Variants in ABHD12B observed in about 807,000 individuals in gnomAD.
ABHD12B encodes protein ABHD12B.
A neutral mutation model predicts 50.4 loss-of-function variants in ABHD12B; 42 were observed. The observed-to-expected ratio is 0.83, with a 90% CI of 0.65 to 1.08. The LOEUF (loss-of-function observed/expected upper bound fraction) is 1.08, where lower values mean the gene tolerates loss of function less well. ABHD12B is among the 50% of genes least tolerant of loss of function. The pLI is 0.00. For synonymous variants in ABHD12B, 167 were observed against 160.3 expected, an observed-to-expected ratio of 1.04 and a Z score of -0.32; for missense variants, 479 against 447.7, an observed-to-expected ratio of 1.07 and a Z score of -0.63.
In ABHD12B at chr14:50,872,236, G is replaced by T. The variant is rs12889688; in HGVS notation, c.62G>T (p.Ser21Ile). 7.2e-7 allele frequency: 1 copy of T among 1,394,892 alleles called. No individual in the cohort carries two copies. Among genetic ancestry groups the T allele is most frequent in the Admixed American group, 2.7e-5 (1 of 36,380 alleles). The allele number at this position is 1,394,892 out of a possible 1,614,324, so 86.4% of individuals were successfully genotyped here. ...SPEPPGPPAR[S>I]CVAAWWDMVD... ...GAGCCGCCCGGGCCCCCAGCCCGTA[G>T]CTGCGTGGCCGCCTGGTGGGACATG... is the stretch of plus-strand genomic sequence containing the variant. Residue 21 changes from serine (S) to isoleucine (I), a missense_variant, in exon 1 of 13, where the codon AGC becomes ATC. Coordinates refer to ENST00000337334, the MANE Select transcript of ABHD12B (RefSeq NM_001206673.2).
chr14:50,892,684 C>T, intron 9 of ABHD12B: 1 of 777,378 alleles, frequency 1.3e-6, no homozygotes, highest in Non-Finnish European at 1.6e-6. Flanking sequence ...CTCATATGTT[C>T]TTTGGATTTA....
chr14:50,875,388 T>C (rs1479231793), intron 1 of ABHD12B, among the ~76,000 whole-genome samples: 1 of 152,204 alleles, frequency 6.6e-6, no homozygotes, highest in Non-Finnish European at 1.5e-5. Context: ...TGTAGTTAGA[T>C]TTGGGCTTCC....
chr14:50,886,331 C>T (rs987038808), intron 7 of ABHD12B, among the ~76,000 whole-genome samples: 1 of 150,834 alleles, frequency 6.6e-6, no homozygotes, highest in African/African-American at 2.4e-5. Flanking sequence ...CCCAGCTACT[C>T]AGGAAGCTGA....
intron 9 of ABHD12B, 62 bp downstream of exon 9, chr14:50,888,965 A>C: frequency 7.9e-7 from 1 of 1,268,092 alleles, no homozygotes; most frequent in South Asian, 1.3e-5. Flanking sequence ...AGTGTAGGCT[A>C]TTTCTACACA....
At chr14:50,873,995 TG>T (rs1488292811) in intron 1 of ABHD12B, among the ~76,000 whole-genome samples, 17 of 152,318 alleles carry the variant, frequency 1.1e-4, no homozygotes, top group Admixed American at 3.3e-4. Context: ...CCATAAGATG[TG>T]CTGAGGCTGA....
chr14:50,881,349 A>C (rs2049940679), intron 4 of ABHD12B, among the ~76,000 whole-genome samples: 1 of 151,790 alleles, frequency 6.6e-6, no homozygotes, highest in Non-Finnish European at 1.5e-5. Flanking sequence ...GCCTTTCTCA[A>C]GACTCGCCTT....
At chr14:50,897,900 A>G (rs1347880653) in intron 9 of ABHD12B, among the ~76,000 whole-genome samples, 1 of 152,224 alleles carries the variant, frequency 6.6e-6, no homozygotes, top group Non-Finnish European at 1.5e-5. Context: ...AAATTAGGCT[A>G]AAGTGTTATG....
At chr14:50,890,372 T>C (rs1202119268) in intron 9 of ABHD12B, among the ~76,000 whole-genome samples, 4 of 152,148 alleles carry the variant, frequency 2.6e-5, no homozygotes, top group African/African-American at 9.7e-5. Flanking sequence ...TCACCCACAC[T>C]CTAGAAGTCT....
chr14:50,892,600 A>G (rs2050134844), intron 9 of ABHD12B: 1 of 982,628 alleles, frequency 1.0e-6, no homozygotes, highest in African/African-American at 1.7e-5. Flanking sequence ...TCAAAGAACC[A>G]GCTTTGACTT....
chr14:50,895,107 A>G (rs2050178952), intron 9 of ABHD12B, among the ~76,000 whole-genome samples: 2 of 150,186 alleles, frequency 1.3e-5, no homozygotes. Flanking sequence ...ATAAAAATCC[A>G]GCCCAGTTCA....
Position 50,880,543 on chromosome 14 carries a change from GT to G in ABHD12B, c.430del (p.Tyr144IlefsTer15), listed in dbSNP as rs769805122. ...AALRDGNPIIVYLHGSAEHRA... is the reference protein window; with the variant it reads ...AALRDGNPIIXYLHGSAEHRA... Reference sequence around the variant, plus strand: ...CCTTCGTGATGGGAACCCAATTATTGTTTATCTTCATGGCAGTGCAGAACAC... The same window carrying G: ...CCTTCGTGATGGGAACCCAATTATTGTTATCTTCATGGCAGTGCAGAACAC... On this transcript the variant is annotated frameshift_variant, in exon 4 of 13. Coordinates refer to ENST00000337334, the MANE Select transcript of ABHD12B (RefSeq NM_001206673.2). 10 of 1,605,784 alleles carry G rather than the reference GT, an allele frequency of 6.2e-6. No individual in the cohort carries two copies. The South Asian group carries it at 1.1e-4, about 18-fold the overall frequency.
At chr14:50,885,135 C>T (rs369619382) in intron 5 of ABHD12B, among the ~76,000 whole-genome samples, 1 of 152,128 alleles carries the variant, frequency 6.6e-6, no homozygotes, top group Non-Finnish European at 1.5e-5. Context: ...AGCGTGAGAC[C>T]CCGGGTGTCT....
At chr14:50,901,405 A>G (rs1288910629) in intron 9 of ABHD12B, among the ~76,000 whole-genome samples, 1 of 152,222 alleles carries the variant, frequency 6.6e-6, no homozygotes, top group Admixed American at 6.5e-5. Context: ...TAATGTTCAA[A>G]TTCTCTAAAA....
At chr14:50,890,917 C>T in intron 9 of ABHD12B, among the ~76,000 whole-genome samples, 1 of 152,206 alleles carries the variant, frequency 6.6e-6, no homozygotes. Context: ...CCACTTTACT[C>T]TCTCACCAAT....
chr14:50,885,277 A>G (rs1316362511), intron 5 of ABHD12B, among the ~76,000 whole-genome samples: 1 of 152,212 alleles, frequency 6.6e-6, no homozygotes, highest in Non-Finnish European at 1.5e-5. Context: ...TTGAACATAC[A>G]GATACCTAGA....
At chr14:50,891,742 G>A (rs1470656561) in intron 9 of ABHD12B, 3 of 152,048 alleles carry the variant, frequency 2.0e-5, no homozygotes, top group African/African-American at 4.8e-5. Flanking sequence ...ATGGAGGCAG[G>A]GGTCCACATG....
At chr14:50,875,938 G>T (rs1178918085) in intron 1 of ABHD12B, among the ~76,000 whole-genome samples, 1 of 152,172 alleles carries the variant, frequency 6.6e-6, no homozygotes, top group Non-Finnish European at 1.5e-5. Flanking sequence ...AGACAGCTTA[G>T]CTGGAGACTA....
At chr14:50,879,043 A>G (rs2049901952) in intron 3 of ABHD12B, among the ~76,000 whole-genome samples, 196 bp downstream of exon 3, 1 of 152,138 alleles carries the variant, frequency 6.6e-6, no homozygotes, top group East Asian at 1.9e-4. Context: ...ATAGACATTT[A>G]GGTGTTGCCC....
At chr14:50,890,303 T>C (rs2050100461) in intron 9 of ABHD12B, among the ~76,000 whole-genome samples, 1 of 152,192 alleles carries the variant, frequency 6.6e-6, no homozygotes, top group African/African-American at 2.4e-5. Flanking sequence ...ATACATGATT[T>C]AATGAGCAAT....
Sources: gnomAD v4.1 joint callset for allele counts (sites outside exome capture counted in the v4.1 genomes callset) on GRCh38, gnomAD v4.1.1 for gene constraint, MANE v1.5 for transcripts, NCBI Gene and HGNC (gene_info 2026-07-23, HGNC 2026-07-21) for gene names.